Variants in THOC7 observed in about 807,000 individuals in gnomAD.
THOC7 encodes THO complex subunit 7.
A neutral mutation model predicts 33.1 loss-of-function variants in THOC7; 22 were observed. The observed-to-expected ratio is 0.66, with a 90% confidence interval of 0.47 to 0.95. The LOEUF is 0.95. Ranked by LOEUF, THOC7 falls within the 40% of genes least tolerant of loss-of-function variation. THOC7 has a pLI of 0.00. For synonymous variants in THOC7, 77 were observed against 76.8 expected, an observed-to-expected ratio of 1.00 and a Z score of -0.01; for missense variants, 184 against 245.3, an observed-to-expected ratio of 0.75 and a Z score of 1.67.
intron 1 of THOC7, among the ~76,000 whole-genome samples, chr3:63,845,660 G>C (rs1021330530): frequency 3.3e-5 from 5 of 152,104 alleles, no homozygotes; most frequent in Non-Finnish European, 7.4e-5. Context: ...ATCTGACTGG[G>C]TCAGACAAAA....
At position 63,851,631 on chromosome 3, in the gene THOC7, A is replaced by T. The variant is rs570520901; in HGVS notation, c.20-11858T>A. On this transcript the variant is annotated intron_variant, in intron 1 of 7. Transcript: ENST00000295899. The stretch of plus-strand genomic sequence containing the variant: ...TACTTTAGTCCTTGCTTCTCTACAA[A>T]AAAGGTAGGCTGAAATAACCTCATG... Among the ~76,000 whole-genome samples, 12 of 152,314 alleles carry T rather than the reference A, an allele frequency of 7.9e-5. No individual in the cohort carries two copies. In the South Asian group the frequency reaches 2.5e-3, roughly 32 times the overall value.
chr3:63,854,156 T>C (rs1241038359), intron 1 of THOC7, among the ~76,000 whole-genome samples: 3 of 152,162 alleles, frequency 2.0e-5, no homozygotes, highest in Admixed American at 6.5e-5. Context: ...ACAAGAATTA[T>C]TGAAATAACA....
At chr3:63,858,909 T>C (rs72890126) in intron 1 of THOC7, among the ~76,000 whole-genome samples, 6,225 of 152,266 alleles carry the variant, frequency 0.041, 296 homozygotes, top group African/African-American at 0.11. Flanking sequence ...TTCCTCAAAC[T>C]GAGTGCAGGA....
chr3:63,861,244 T>TGA (rs1362261522), intron 1 of THOC7, among the ~76,000 whole-genome samples: 5 of 152,194 alleles, frequency 3.3e-5, no homozygotes, highest in Non-Finnish European at 7.3e-5. Flanking sequence ...GGGGGGCACT[T>TGA]GACTGCAGTC....
chr3:63,864,216 C>T (rs1702330890), upstream of THOC7, among the ~76,000 whole-genome samples: 1 of 150,170 alleles, frequency 6.7e-6, no homozygotes, highest in South Asian at 2.1e-4. Flanking sequence ...TGCGGGCCGC[C>T]CGCAGTCGGG....
chr3:63,856,077 AAAAC>A (rs1702110138), intron 1 of THOC7, among the ~76,000 whole-genome samples: 1 of 152,232 alleles, frequency 6.6e-6, no homozygotes, highest in Non-Finnish European at 1.5e-5. Context: ...TAAAAAACTG[AAAAC>A]AAACTAAATG....
At chr3:63,835,515 C>T (rs1701613785) in intron 5 of THOC7, 125 bp from the exon 6 acceptor site, 4 of 729,980 alleles carry the variant, frequency 5.5e-6, no homozygotes, top group Admixed American at 6.0e-5. Context: ...GGAGTTATAA[C>T]ACTCCATTAT....
At chr3:63,851,764 T>C (rs750137806) in intron 1 of THOC7, among the ~76,000 whole-genome samples, 29 of 152,250 alleles carry the variant, frequency 1.9e-4, no homozygotes, top group Non-Finnish European at 3.1e-4. Flanking sequence ...CTACGTTCTT[T>C]AGCCCTTCTC....
chr3:63,835,066 CT>C, intron 7 of THOC7, 87 bp downstream of exon 7: 1 of 1,301,422 alleles, frequency 7.7e-7, no homozygotes, highest in Admixed American at 2.1e-5. Context: ...GGTATACTGT[CT>C]CTCCAAGATG....
chr3:63,862,916 C>T (rs76322308), intron 1 of THOC7, among the ~76,000 whole-genome samples: 2,314 of 152,236 alleles, frequency 0.015, 29 homozygotes, highest in Non-Finnish European at 0.023. Context: ...CTCCCTTAGA[C>T]TGTCCACAAA....
chr3:63,849,639 T>C (rs1575811659), intron 1 of THOC7, among the ~76,000 whole-genome samples: 2 of 152,304 alleles, frequency 1.3e-5, no homozygotes, highest in Middle Eastern at 3.4e-3. Context: ...TTATAAATAA[T>C]CAGGCAAATT....
At chr3:63,838,645 C>T in intron 2 of THOC7, 146 bp from the exon 3 acceptor site, 3 of 748,550 alleles carry the variant, frequency 4.0e-6, no homozygotes, top group East Asian at 3.2e-5. Flanking sequence ...ATATCTGTCC[C>T]TTAAGTTTTC....
intron 1 of THOC7, among the ~76,000 whole-genome samples, chr3:63,847,722 G>C (rs1701929255): frequency 6.6e-6 from 1 of 152,188 alleles, no homozygotes. Flanking sequence ...GGGCAACAGA[G>C]TGAGACTCTG....
In THOC7 at chr3:63,833,992, T is replaced by G. The variant is rs762035710; in HGVS notation, c.*140A>C. ...TCATTTTCCTTTGTGAGAGGAAATA[T>G]GAATGAAATACATTCATACTTAAAA... On this transcript the variant is annotated 3_prime_UTR_variant, in exon 8 of 8. Transcript: ENST00000295899. The G allele has an allele frequency of 1.5e-5, 11 of 724,714 alleles. No homozygotes were observed. Among genetic ancestry groups the G allele is most frequent in the Non-Finnish European group, 2.4e-5 (11 of 458,802 alleles). 44.9% of individuals were successfully genotyped at this position (724,714 alleles called of 1,614,324 possible).
intron 1 of THOC7, among the ~76,000 whole-genome samples, chr3:63,844,411 CTAGT>C (rs1469779509): frequency 3.3e-5 from 5 of 152,138 alleles, no homozygotes; most frequent in Non-Finnish European, 7.3e-5. Flanking sequence ...TGTTAATTAG[CTAGT>C]TAACCATTCC....
chr3:63,852,746 A>G (rs950633447), intron 1 of THOC7, among the ~76,000 whole-genome samples: 2 of 152,232 alleles, frequency 1.3e-5, no homozygotes, highest in Admixed American at 6.5e-5. Context: ...GAGGATGTAC[A>G]AACTGGATTG....
chr3:63,838,566 G>T, intron 2 of THOC7, 67 bp from the exon 3 acceptor site: 1 of 1,432,380 alleles, frequency 7.0e-7, no homozygotes, highest in Non-Finnish European at 9.4e-7. Context: ...CTGTTATAAT[G>T]CAGACAAATA....
chr3:63,838,088 T>C (rs747534903), intron 3 of THOC7, 26 bp from the exon 4 acceptor site: 7 of 1,550,562 alleles, frequency 4.5e-6, no homozygotes, highest in East Asian at 2.3e-5. Flanking sequence ...TTTTAAAAGA[T>C]AGTTGTAACA....
At chr3:63,847,932 A>G (rs931980708) in intron 1 of THOC7, among the ~76,000 whole-genome samples, 1 of 152,088 alleles carries the variant, frequency 6.6e-6, no homozygotes, top group Non-Finnish European at 1.5e-5. Flanking sequence ...CCATGATGGG[A>G]ATGGGGGTGG....
Sources: allele counts gnomAD v4.1 joint callset (sites outside exome capture counted in the v4.1 genomes callset), GRCh38; gene constraint gnomAD v4.1.1; transcripts MANE v1.5; gene names NCBI Gene and HGNC (gene_info 2026-07-23, HGNC 2026-07-21).